Variants in FAR2 observed in about 807,000 individuals in gnomAD.
FAR2 encodes epididymis secretory protein Li 81.
In FAR2, 19 loss-of-function variants were observed where a neutral mutation model predicts 56.0. The ratio of observed to expected loss-of-function variants is 0.34; its 90% CI spans 0.24 to 0.50. FAR2 has a LOEUF of 0.50. Ranked by LOEUF, FAR2 falls within the 20% of genes least tolerant of loss-of-function variation. The pLI is 0.98. For synonymous variants in FAR2, 219 were observed against 218.8 expected (o/e 1.00, Z -0.01); for missense variants, 508 against 642.2 (o/e 0.79, Z 2.26).
chr12:29,154,676 G>A (rs533320231), intron 1 of FAR2, among the ~76,000 whole-genome samples: 22 of 152,178 alleles, frequency 1.4e-4, no homozygotes, highest in Admixed American at 4.6e-4. Flanking sequence ...CTTGTGATCC[G>A]CCTGCCTCAA....
At chr12:29,297,883 G>T (rs1949096692) in intron 4 of FAR2, among the ~76,000 whole-genome samples, 3 of 152,106 alleles carry the variant, frequency 2.0e-5, no homozygotes, top group Non-Finnish European at 4.4e-5. Flanking sequence ...GGATGTGGTG[G>T]CAGGCGCCTG....
chr12:29,254,392 G>C (rs1948281131), intron 1 of FAR2, among the ~76,000 whole-genome samples: 1 of 152,204 alleles, frequency 6.6e-6, no homozygotes, highest in Non-Finnish European at 1.5e-5. Context: ...CTTTAAGCAA[G>C]GGGATCTTGC....
intron 1 of FAR2, among the ~76,000 whole-genome samples, chr12:29,264,256 T>C (rs1050711723): frequency 6.6e-6 from 1 of 152,140 alleles, no homozygotes; most frequent in Non-Finnish European, 1.5e-5. Flanking sequence ...GAAAAAAGCA[T>C]TTGATAAAAT....
At chr12:29,220,206 T>C (rs1008442395) in intron 1 of FAR2, among the ~76,000 whole-genome samples, 1 of 152,166 alleles carries the variant, frequency 6.6e-6, no homozygotes, top group Non-Finnish European at 1.5e-5. Context: ...CTCTTTCACT[T>C]CCTCCATGCA....
intron 1 of FAR2, among the ~76,000 whole-genome samples, chr12:29,244,865 G>T (rs1227136825): frequency 6.6e-6 from 1 of 152,070 alleles, no homozygotes; most frequent in Non-Finnish European, 1.5e-5. Context: ...AAATATACAA[G>T]ATCAAATATG....
intron 2 of FAR2, among the ~76,000 whole-genome samples, chr12:29,279,877 A>C (rs1040293918): frequency 3.3e-5 from 5 of 152,138 alleles, no homozygotes; most frequent in African/African-American, 1.2e-4. Context: ...GGATTTGCAA[A>C]GATCAAATGT....
At chr12:29,168,948 T>C (rs979985420) in intron 1 of FAR2, among the ~76,000 whole-genome samples, 1 of 152,226 alleles carries the variant, frequency 6.6e-6, no homozygotes, top group Non-Finnish European at 1.5e-5. Flanking sequence ...AGAGTGCTGA[T>C]TGGTCCATTT....
chr12:29,149,544 G>A (rs1402927349), intron 1 of FAR2, 137 bp downstream of exon 1: 1 of 152,518 alleles, frequency 6.6e-6, no homozygotes, highest in African/African-American at 2.4e-5. Context: ...CCTCGAGGAG[G>A]GTGGGTGTGA....
chr12:29,327,365 G>A (rs1949665967), intron 10 of FAR2, among the ~76,000 whole-genome samples: 1 of 152,118 alleles, frequency 6.6e-6, no homozygotes, highest in African/African-American at 2.4e-5. Context: ...TCCCCATCAA[G>A]CTACCAAAGA....
chr12:29,219,029 C>A (rs1947655484), intron 1 of FAR2, among the ~76,000 whole-genome samples: 1 of 152,114 alleles, frequency 6.6e-6, no homozygotes, highest in African/African-American at 2.4e-5. Context: ...GCTGGGACTA[C>A]AAGCACATGA....
At chr12:29,302,736 C>T (rs1217185291) in intron 4 of FAR2, among the ~76,000 whole-genome samples, 1 of 151,982 alleles carries the variant, frequency 6.6e-6, no homozygotes, top group Non-Finnish European at 1.5e-5. Context: ...TGAAAGTGGG[C>T]TTCAGGAATA....
intron 2 of FAR2, chr12:29,291,363 GT>G (rs1001954600): frequency 2.6e-5 from 12 of 455,888 alleles, no homozygotes; most frequent in African/African-American, 2.2e-4. Flanking sequence ...GTCTCTGAGG[GT>G]GGAATAAAGA....
In FAR2 at chr12:29,253,280, G is replaced by GATAGATATCGAT. The variant is rs1948253912; in HGVS notation, c.-38-17129_-38-17128insGATATCGATATA. 9.9e-5 allele frequency among the ~76,000 whole-genome samples: 8 copies of GATAGATATCGAT among 80,590 alleles called. 1 individual carries two copies. Among genetic ancestry groups the GATAGATATCGAT allele is most frequent in the East Asian group, 9.2e-4 (2 of 2,164 alleles). The allele number at this position is 80,590 out of a possible 152,430, so 52.9% of individuals were successfully genotyped here. A position where few individuals can be genotyped will look rare whatever the true frequency, so the allele number is the denominator to read the frequency against. Reference sequence around the variant, plus strand: ...CTATCTAGATAGATATCTATATATCGATATCTATATCTATCTAGATAGATA... The same window carrying GATAGATATCGAT: ...CTATCTAGATAGATATCTATATATCGATAGATATCGATATATCTATATCTATCTAGATAGATA... On this transcript the variant is annotated intron_variant, in intron 1 of 11. Coordinates refer to ENST00000536681, the MANE Select transcript of FAR2 (RefSeq NM_001271783.2).
At chr12:29,168,942 T>C (rs1156938655) in intron 1 of FAR2, among the ~76,000 whole-genome samples, 4 of 152,158 alleles carry the variant, frequency 2.6e-5, no homozygotes, top group Admixed American at 1.3e-4. Flanking sequence ...TTTTACAGAG[T>C]GCTGATTGGT....
chr12:29,311,694 A>ACACAC (rs397953251), intron 7 of FAR2, among the ~76,000 whole-genome samples, 189 bp from the exon 8 acceptor site: 4 of 150,704 alleles, frequency 2.7e-5, no homozygotes, highest in Admixed American at 6.6e-5. Flanking sequence ...ACACACACAC[A>ACACAC]TGCTTTTCCT....
At chr12:29,197,097 T>A (rs1181991219) in intron 1 of FAR2, among the ~76,000 whole-genome samples, 1 of 152,180 alleles carries the variant, frequency 6.6e-6, no homozygotes, top group Non-Finnish European at 1.5e-5. Context: ...AAGCAACATT[T>A]GCATTTGACC....
intron 1 of FAR2, among the ~76,000 whole-genome samples, chr12:29,253,280 GATATCT>G (rs145113561): frequency 0.018 from 1,433 of 80,178 alleles, 171 homozygotes; most frequent in African/African-American, 0.063. Context: ...TCTATATATC[GATATCT>G]ATATCTATCT....
intron 1 of FAR2, among the ~76,000 whole-genome samples, chr12:29,195,433 G>T (rs1950136690): frequency 6.6e-6 from 1 of 152,102 alleles, no homozygotes; most frequent in South Asian, 2.1e-4. Context: ...CATTTAAAAG[G>T]ATAAAAATGT....
intron 1 of FAR2, among the ~76,000 whole-genome samples, chr12:29,195,619 A>C (rs1304218080): frequency 6.6e-6 from 1 of 152,224 alleles, no homozygotes; most frequent in Non-Finnish European, 1.5e-5. Flanking sequence ...TTCAGAATAC[A>C]TTTGAAAAAC....
Sources: allele counts gnomAD v4.1 joint callset (sites outside exome capture counted in the v4.1 genomes callset), GRCh38; gene constraint gnomAD v4.1.1; transcripts MANE v1.5; gene names NCBI Gene and HGNC (gene_info 2026-07-23, HGNC 2026-07-21).